Variants in KCTD13 observed in about 807,000 individuals in gnomAD.
The protein encoded by KCTD13 is potassium channel tetramerization domain containing 13.
KCTD13 carries 15 observed loss-of-function variants against 32.3 expected under a neutral mutation model. The observed-to-expected ratio is 0.46, with a 90% CI of 0.31 to 0.71. KCTD13 has a LOEUF of 0.71. Ranked by LOEUF, KCTD13 falls within the 30% of genes least tolerant of loss-of-function variation. KCTD13 has a pLI of 0.05. For missense variants in KCTD13, 337 were observed against 452.6 expected, an observed-to-expected ratio of 0.74 and a Z score of 2.32; for synonymous variants, 189 against 200.1, an observed-to-expected ratio of 0.94 and a Z score of 0.47.
chr16:29,923,076 G>T, intron 2 of KCTD13, 114 bp downstream of exon 2: 1 of 1,197,378 alleles, frequency 8.4e-7, no homozygotes, highest in Non-Finnish European at 1.1e-6. Flanking sequence ...TGGGGTTATG[G>T]CCAGCCAAAG....
intron 2 of KCTD13, 110 bp downstream of exon 2, chr16:29,923,080 G>T: frequency 7.9e-7 from 1 of 1,258,756 alleles, no homozygotes; most frequent in Non-Finnish European, 1.1e-6. Flanking sequence ...GTTATGGCCA[G>T]CCAAAGCCAG....
In KCTD13 at chr16:29,907,034, G is replaced by T. The variant is rs764560137; in HGVS notation, c.828C>A (p.Asp276Glu). The part of the protein sequence containing the change: ...ILIYETPRGP[D>E]PALLEATGGA... ...CCCCTGTGGCCTCCAGGAGGGCTGG[G>T]TCTGGGCCCCGGGGAGTCTCGTAGA... The change falls in exon 6 of 6, where the codon GAC becomes GAA. Residue 276 changes from aspartate (D) to glutamate (E), a missense_variant. Asp to Glu is a conservative substitution (Grantham distance 45). This residue lies in a region of KCTD13 where 252 missense variants were observed against 340.2 expected (regional missense o/e 0.74). Transcript: ENST00000568000. 12 of 1,613,992 alleles carry T rather than the reference G, an allele frequency of 7.4e-6. No homozygotes were observed. In the East Asian group the frequency reaches 2.7e-4, roughly 36 times the overall value.
intron 5 of KCTD13, among the ~76,000 whole-genome samples, chr16:29,909,050 GATTC>G (rs35566440): frequency 6.0e-5 from 9 of 151,168 alleles, no homozygotes; most frequent in African/African-American, 1.2e-4. Flanking sequence ...CTGGGTCACT[GATTC>G]ATTCATTCAT....
At chr16:29,913,596 G>A (rs1311550917) in intron 2 of KCTD13, 1 of 152,210 alleles carries the variant, frequency 6.6e-6, no homozygotes, top group African/African-American at 2.4e-5. Flanking sequence ...GGTCTCTTCT[G>A]AGGCTGTGGC....
rs757740187 is a variant in KCTD13 at position 29,911,864 on chromosome 16, C to T, written c.508G>A (p.Val170Met). The change falls in exon 4 of 6, where the codon GTG becomes ATG. Residue 170 changes from valine to methionine, a missense_variant. By Grantham distance (21) the Val-to-Met change is conservative. This residue lies in a region of KCTD13 where 252 missense variants were observed against 340.2 expected (regional missense o/e 0.74). Transcript: ENST00000568000. ...CTGCGGTTGTGCAGGAGCTTCACCA[C>T]GGGCTGGCGGGGGAGAGAGGATGGA... ...QQLLASTSKPVVKLLHNRSNN... is the reference protein window; with the variant it reads ...QQLLASTSKPMVKLLHNRSNN... The T allele has an allele frequency of 1.5e-5, 24 of 1,611,970 alleles. No homozygotes were observed. The highest frequency in any genetic ancestry group is 9.4e-5 in the African/African-American group (7 of 74,820).
intron 2 of KCTD13, chr16:29,919,864 A>G (rs1022035066): frequency 6.6e-6 from 1 of 152,232 alleles, no homozygotes; most frequent in African/African-American, 2.4e-5. Context: ...CTTTAAAATA[A>G]TCAATGGTTA....
rs1304026476 is a variant in KCTD13 at position 29,925,952 on chromosome 16, G to T, written c.82C>A (p.Pro28Thr). The change falls in exon 1 of 6, where the codon CCC (proline) becomes ACC (threonine). Residue 28 changes from proline (P) to threonine (T), a missense_variant. Physicochemically the swap from Pro to Thr is conservative, Grantham distance 38 (BLOSUM62 -1). Transcript: ENST00000568000. ...AGCGGCTTGAGACCGTAGGCGGCGG[G>T]GCCAGGCTCGAGACCCGAGGGCTTG... The part of the protein sequence containing the change: ...APKPSGLEPG[P>T]AAYGLKPLTP... 6.2e-7 allele frequency: 1 copy of T among 1,613,516 alleles called. No homozygotes were observed. Among genetic ancestry groups the T allele is most frequent in the East Asian group, 2.2e-5 (1 of 44,846 alleles).
intron 2 of KCTD13, among the ~76,000 whole-genome samples, chr16:29,916,826 T>C (rs1395334717): frequency 6.6e-6 from 1 of 152,240 alleles, no homozygotes; most frequent in Non-Finnish European, 1.5e-5. Context: ...GGATTTTGGC[T>C]AGGGCTGCAG....
rs200630321 is a variant in KCTD13, at chr16:29,911,039, C to T, written c.692G>A (p.Arg231His). 44 of 1,614,164 alleles carry T rather than the reference C, an allele frequency of 2.7e-5. No individual in the cohort carries two copies. The highest frequency in any genetic ancestry group is 2.9e-5 in the Non-Finnish European group (34 of 1,180,020). The change falls in exon 5 of 6, where the codon CGC becomes CAC. Residue 231 changes from arginine (R) to histidine (H), a missense_variant. Arg to His is a conservative substitution (Grantham distance 29). Transcript: ENST00000568000. ...ICCWSFYGQG[R>H]KIAEVCCTSI... The stretch of plus-strand genomic sequence containing the variant: ...GGTGCAGCACACCTCGGCGATTTTG[C>T]GGCCCTGCCCGTAGAAAGACCAGCA...
chr16:29,917,115 C>G (rs2068823808), intron 2 of KCTD13, among the ~76,000 whole-genome samples: 1 of 152,144 alleles, frequency 6.6e-6, no homozygotes, highest in African/African-American at 2.4e-5. Flanking sequence ...TGGTGAGGAT[C>G]TGAAAAGGTC....
At chr16:29,916,654 A>G (rs1050343423) in intron 2 of KCTD13, among the ~76,000 whole-genome samples, 2 of 151,654 alleles carry the variant, frequency 1.3e-5, no homozygotes, top group Non-Finnish European at 2.9e-5. Flanking sequence ...GCTTGAGGTC[A>G]GGAGTTCGAG....
intron 2 of KCTD13, among the ~76,000 whole-genome samples, chr16:29,916,638 A>G (rs922953732): frequency 6.6e-6 from 1 of 151,868 alleles, no homozygotes; most frequent in Non-Finnish European, 1.5e-5. Context: ...CCAAGGCTGG[A>G]GGACTGCTTG....
chr16:29,926,183 G>A lies in KCTD13; in HGVS notation c.-150C>T, dbSNP rs866445159. On this transcript the variant is annotated 5_prime_UTR_variant, in exon 1 of 6. Transcript: ENST00000568000. ...AGCTACTCTGCAAGACCGGCCCTCC[G>A]CCCCATCTCGCTCGCACCACCCGGA... The A allele has an allele frequency of 1.4e-4, 123 of 903,450 alleles. No homozygotes were observed. The African/African-American group carries it at 1.7e-3, about 13-fold the overall frequency. 56.0% of individuals were successfully genotyped at this position (903,450 alleles called of 1,614,324 possible). A position where few individuals can be genotyped will look rare whatever the true frequency, so the allele number is the denominator to read the frequency against.
At chr16:29,909,437 T>C (rs990664271) in intron 5 of KCTD13, among the ~76,000 whole-genome samples, 7 of 152,188 alleles carry the variant, frequency 4.6e-5, no homozygotes, top group Admixed American at 2.6e-4. Flanking sequence ...GACTGTGGTG[T>C]ACCTGAGGCA....
chr16:29,915,690 T>G (rs1184646157), intron 2 of KCTD13, among the ~76,000 whole-genome samples: 1 of 152,176 alleles, frequency 6.6e-6, no homozygotes, highest in Non-Finnish European at 1.5e-5. Flanking sequence ...GCTGAGACGC[T>G]GAAAGACAAC....
At chr16:29,925,465 A>T in intron 1 of KCTD13, 1 of 386,116 alleles carries the variant, frequency 2.6e-6, no homozygotes, top group Non-Finnish European at 4.8e-6. Flanking sequence ...GCTAGTTCCC[A>T]AGTCTTGAGC....
At chr16:29,924,878 C>A (rs1264834738) in intron 1 of KCTD13, among the ~76,000 whole-genome samples, 2 of 152,030 alleles carry the variant, frequency 1.3e-5, no homozygotes, top group Non-Finnish European at 2.9e-5. Context: ...CCACCACGCC[C>A]GGCTAATTTT....
chr16:29,923,529 T>C (rs866799673), intron 1 of KCTD13, among the ~76,000 whole-genome samples, 170 bp from the exon 2 acceptor site: 31 of 152,168 alleles, frequency 2.0e-4, no homozygotes, highest in Non-Finnish European at 2.9e-4. Flanking sequence ...GTACTTGGAT[T>C]ATAGGTGTGA....
chr16:29,922,910 A>G, intron 2 of KCTD13: 1 of 457,400 alleles, frequency 2.2e-6, no homozygotes. Flanking sequence ...CTGAAAGATA[A>G]TTACTCAGGT....
Sources: allele counts gnomAD v4.1 joint callset (sites outside exome capture counted in the v4.1 genomes callset), GRCh38; gene constraint gnomAD v4.1.1; regional missense constraint gnomAD v4.1.1; transcripts MANE v1.5; gene names NCBI Gene and HGNC (gene_info 2026-07-23, HGNC 2026-07-21).